Variants in SLC25A13 observed in about 807,000 individuals in gnomAD.
The protein encoded by SLC25A13 is electrogenic aspartate/glutamate antiporter SLC25A13, mitochondrial.
Under a neutral mutation model 85.5 loss-of-function variants are expected in SLC25A13, and 70 were observed. That is an observed-to-expected ratio of 0.82 (90% CI 0.68 to 1.00). SLC25A13 has a LOEUF of 1.00. SLC25A13 is among the 50% of genes least tolerant of loss of function. The pLI, the probability that SLC25A13 is intolerant of heterozygous loss-of-function variation, is 0.00. For missense variants in SLC25A13, 765 were observed against 819.8 expected, an observed-to-expected ratio of 0.93 and a Z score of 0.82; for synonymous variants, 259 against 288.7, an observed-to-expected ratio of 0.90 and a Z score of 1.04.
chr7:96,132,103 A>T (rs1329757779), intron 14 of SLC25A13, among the ~76,000 whole-genome samples: 1 of 152,184 alleles, frequency 6.6e-6, no homozygotes, highest in African/African-American at 2.4e-5. Context: ...CTGTGATGGG[A>T]GGAGGGCAGT....
chr7:96,218,696 C>T (rs1795989528), intron 4 of SLC25A13, among the ~76,000 whole-genome samples: 1 of 152,158 alleles, frequency 6.6e-6, no homozygotes, highest in Non-Finnish European at 1.5e-5. Flanking sequence ...ACCATAATCT[C>T]TCTCTCTTTC....
intron 3 of SLC25A13, among the ~76,000 whole-genome samples, chr7:96,251,698 C>T (rs562452952): frequency 1.3e-5 from 2 of 152,294 alleles, no homozygotes; most frequent in South Asian, 4.1e-4. Context: ...CTGATTGAGT[C>T]GTACTATTTT....
At chr7:96,285,176 A>C (rs1478391365) in intron 2 of SLC25A13, among the ~76,000 whole-genome samples, 1 of 152,100 alleles carries the variant, frequency 6.6e-6, no homozygotes, top group Non-Finnish European at 1.5e-5. Context: ...ATCCATTATA[A>C]AAAATCAGCC....
At chr7:96,216,608 C>T (rs753696297) in intron 4 of SLC25A13, among the ~76,000 whole-genome samples, 16 of 152,076 alleles carry the variant, frequency 1.1e-4, no homozygotes, top group South Asian at 4.2e-4. Context: ...GGAACGTCGA[C>T]GGAGCTGGAG....
intron 2 of SLC25A13, 51 bp downstream of exon 2, chr7:96,296,847 G>A: frequency 1.3e-6 from 2 of 1,500,562 alleles, no homozygotes; most frequent in African/African-American, 1.4e-5. Context: ...ATATTTAAAA[G>A]TTATAGAACA....
chr7:96,219,433 C>T (rs1490176654), intron 4 of SLC25A13, among the ~76,000 whole-genome samples: 5 of 152,224 alleles, frequency 3.3e-5, no homozygotes, highest in East Asian at 3.9e-4. Context: ...ATGGAACTAG[C>T]CTGAGTTAAG....
intron 5 of SLC25A13, among the ~76,000 whole-genome samples, chr7:96,198,368 T>C (rs1249304180): frequency 6.6e-6 from 1 of 152,202 alleles, no homozygotes; most frequent in East Asian, 1.9e-4. Context: ...TATGAAACAG[T>C]GGTTCTGCTC....
At chr7:96,301,189 G>A (rs529743723) in intron 1 of SLC25A13, among the ~76,000 whole-genome samples, 37 of 152,290 alleles carry the variant, frequency 2.4e-4, no homozygotes, top group Admixed American at 1.4e-3. Flanking sequence ...ATAAGCTTGG[G>A]ATTATTAGAC....
chr7:96,250,429 G>A (rs1040737986), intron 3 of SLC25A13, among the ~76,000 whole-genome samples: 3 of 152,116 alleles, frequency 2.0e-5, no homozygotes, highest in Non-Finnish European at 2.9e-5. Flanking sequence ...TTAACTCTAC[G>A]GCAGAAGGCA....
intron 2 of SLC25A13, among the ~76,000 whole-genome samples, chr7:96,290,586 C>A: frequency 6.8e-6 from 1 of 147,564 alleles, no homozygotes; most frequent in Non-Finnish European, 1.5e-5. Context: ...GGAAGATCTA[C>A]CAAGCAAATG....
At chr7:96,190,600 G>GTTTATTTATTTA (rs201370685) in intron 7 of SLC25A13, among the ~76,000 whole-genome samples, 6 of 151,680 alleles carry the variant, frequency 4.0e-5, no homozygotes, top group African/African-American at 1.5e-4. Flanking sequence ...GGTGTCTTCA[G>GTTTATTTATTTA]TTTATTTATT....
intron 15 of SLC25A13, among the ~76,000 whole-genome samples, chr7:96,131,156 T>C (rs1240432840): frequency 6.6e-6 from 1 of 152,180 alleles, no homozygotes; most frequent in Non-Finnish European, 1.5e-5. Flanking sequence ...AAAAATGAAC[T>C]GATCCCTGGC....
intron 2 of SLC25A13, among the ~76,000 whole-genome samples, chr7:96,287,443 C>A (rs1485056917): frequency 6.6e-6 from 1 of 152,094 alleles, no homozygotes; most frequent in African/African-American, 2.4e-5. Context: ...AAGATTCCAC[C>A]CTCGGCCTTC....
rs181141224 is a variant in SLC25A13 at position 96,168,182 on chromosome 7, T to C, written c.1311+1863A>G. Among the ~76,000 whole-genome samples the C allele has an allele frequency of 3.4e-3, 473 of 139,118 alleles. 1 individual carries two copies. Among genetic ancestry groups the C allele is most frequent in the Non-Finnish European group, 5.4e-3 (350 of 65,060 alleles). The allele number at this position is 139,118 out of a possible 152,430, so 91.3% of individuals were successfully genotyped here. A position where few individuals can be genotyped will look rare whatever the true frequency, so the allele number is the denominator to read the frequency against. On this transcript the variant is annotated intron_variant, in intron 13 of 17. Coordinates refer to ENST00000265631, the MANE Select transcript of SLC25A13 (RefSeq NM_014251.3). ...CACAGAAAATGGAACCATCCATTCATCTACTCAGAGATCTAAAGGGACCTG... is the reference window on the plus strand; with the variant it reads ...CACAGAAAATGGAACCATCCATTCACCTACTCAGAGATCTAAAGGGACCTG...
At chr7:96,243,818 G>A (rs1481379810) in intron 3 of SLC25A13, among the ~76,000 whole-genome samples, 3 of 152,154 alleles carry the variant, frequency 2.0e-5, no homozygotes, top group African/African-American at 7.2e-5. Flanking sequence ...CAGCTGGAGA[G>A]TAGAGAAGGC....
chr7:96,263,434 G>A (rs1002517894), intron 3 of SLC25A13, among the ~76,000 whole-genome samples: 2 of 152,102 alleles, frequency 1.3e-5, no homozygotes, highest in Non-Finnish European at 2.9e-5. Flanking sequence ...GTCCCTTGAG[G>A]ACAATGCTTC....
intron 1 of SLC25A13, 44 bp downstream of exon 1, chr7:96,321,898 T>A: frequency 6.6e-7 from 1 of 1,523,178 alleles, no homozygotes; most frequent in Non-Finnish European, 8.8e-7. Context: ...ACCCCCAGGC[T>A]GATCCGGCAG....
At chr7:96,225,763 G>T (rs1796308645) in intron 4 of SLC25A13, among the ~76,000 whole-genome samples, 1 of 152,054 alleles carries the variant, frequency 6.6e-6, no homozygotes, top group African/African-American at 2.4e-5. Flanking sequence ...CTCTAGATCT[G>T]CTCAGATAGC....
intron 1 of SLC25A13, among the ~76,000 whole-genome samples, chr7:96,313,084 G>A (rs1172415845): frequency 6.6e-6 from 1 of 152,242 alleles, no homozygotes; most frequent in Non-Finnish European, 1.5e-5. Flanking sequence ...TTCTAGGTCA[G>A]CAGAGTTTGA....
Sources: gnomAD v4.1 joint callset for allele counts (sites outside exome capture counted in the v4.1 genomes callset) on GRCh38, gnomAD v4.1.1 for gene constraint, MANE v1.5 for transcripts, NCBI Gene and HGNC (gene_info 2026-07-23, HGNC 2026-07-21) for gene names.